The following SESTD1 variants were observed in gnomAD, a reference collection of about 807,000 sequenced individuals.
SESTD1 encodes SEC14 domain and spectrin repeat-containing protein 1.
Under a neutral mutation model 101.7 loss-of-function variants are expected in SESTD1, and 43 were observed. That is an observed-to-expected ratio of 0.42 (90% CI 0.33 to 0.55). The LOEUF is 0.55. Ranked by LOEUF, SESTD1 falls within the 20% of genes least tolerant of loss-of-function variation. The pLI is 0.07. For missense variants in SESTD1, 647 were observed against 815.1 expected (o/e 0.79, Z 2.51); for synonymous variants, 283 against 286.8 (o/e 0.99, Z 0.13).
At chr2:179,167,639 G>A (rs200653316) in intron 5 of SESTD1, among the ~76,000 whole-genome samples, 1 of 148,326 alleles carries the variant, frequency 6.7e-6, no homozygotes, top group South Asian at 2.1e-4. Context: ...CCTGAAGGGG[G>A]AAAAAAAGGC....
chr2:179,150,251 T>C (rs938778858), intron 6 of SESTD1, among the ~76,000 whole-genome samples: 1 of 152,106 alleles, frequency 6.6e-6, no homozygotes, highest in Non-Finnish European at 1.5e-5. Flanking sequence ...CAGAATTAGT[T>C]ATCCATTCAG....
intron 1 of SESTD1, among the ~76,000 whole-genome samples, chr2:179,255,111 C>G (rs138391178): frequency 6.6e-5 from 10 of 152,284 alleles, no homozygotes; most frequent in Non-Finnish European, 1.3e-4. Flanking sequence ...CTTCTCCTGT[C>G]TCTCTCCTTC....
intron 13 of SESTD1, among the ~76,000 whole-genome samples, chr2:179,119,554 G>A (rs888206097): frequency 6.6e-6 from 1 of 152,162 alleles, no homozygotes; most frequent in Non-Finnish European, 1.5e-5. Flanking sequence ...CTTCCACCAC[G>A]ATTCTGTTTC....
chr2:179,193,882 C>A (rs1418636169), intron 1 of SESTD1, among the ~76,000 whole-genome samples: 1 of 152,188 alleles, frequency 6.6e-6, no homozygotes, highest in African/African-American at 2.4e-5. Flanking sequence ...TCCCGGCCAC[C>A]AGGTGGGACC....
chr2:179,245,234 G>A (rs2047211805), intron 1 of SESTD1, among the ~76,000 whole-genome samples: 1 of 151,886 alleles, frequency 6.6e-6, no homozygotes, highest in African/African-American at 2.4e-5. Flanking sequence ...TTAGCCAGAT[G>A]AGCTGGGCAC....
Position 179,116,737 on chromosome 2 carries a change from T to G in SESTD1, c.1578A>C (p.Arg526Ser). 1.2e-6 allele frequency: 2 copies of G among 1,614,140 alleles called. No homozygotes were observed. The highest frequency in any genetic ancestry group is 1.7e-6 in the Non-Finnish European group (2 of 1,180,022). The change falls in exon 15 of 18, where the codon AGA (arginine) becomes AGC (serine). Residue 526 changes from arginine (R) to serine (S), a missense_variant. This residue lies in a region of SESTD1 where 476 missense variants were observed against 562.6 expected (regional missense o/e 0.85). Coordinates refer to ENST00000428443, the MANE Select transcript of SESTD1 (RefSeq NM_178123.5). ...TCGTTTCTTGAGCATCATCGCCCAATCTGATGTGAGTCTTAAGCAGAGCAT... is the reference window on the plus strand; with the variant it reads ...TCGTTTCTTGAGCATCATCGCCCAAGCTGATGTGAGTCTTAAGCAGAGCAT... Reference protein sequence around the residue: ...LLDALLKTHIRLGDDAQETKV... With the variant: ...LLDALLKTHISLGDDAQETKV...
At chr2:179,258,002 G>C (rs1216911667) in intron 1 of SESTD1, among the ~76,000 whole-genome samples, 2 of 152,248 alleles carry the variant, frequency 1.3e-5, no homozygotes, top group East Asian at 3.9e-4. Context: ...GCCCAATGTG[G>C]CAAAATTGAT....
At chr2:179,233,657 T>G (rs576413555) in intron 1 of SESTD1, among the ~76,000 whole-genome samples, 2 of 152,312 alleles carry the variant, frequency 1.3e-5, no homozygotes, top group Middle Eastern at 6.8e-3. Flanking sequence ...TTTCACCATG[T>G]TGGCCAGGCT....
At chr2:179,177,582 T>A (rs1337846815) in intron 3 of SESTD1, among the ~76,000 whole-genome samples, 1 of 152,188 alleles carries the variant, frequency 6.6e-6, no homozygotes, top group Non-Finnish European at 1.5e-5. Flanking sequence ...CATGCCCTGT[T>A]CTACCAAGAA....
intron 1 of SESTD1, among the ~76,000 whole-genome samples, chr2:179,262,538 G>C (rs1295626296): frequency 1.3e-5 from 2 of 152,062 alleles, no homozygotes; most frequent in African/African-American, 4.8e-5. Context: ...GCTTGTAACA[G>C]CTTTAAAAGA....
At chr2:179,195,285 G>A (rs540009855) in intron 1 of SESTD1, among the ~76,000 whole-genome samples, 2 of 152,336 alleles carry the variant, frequency 1.3e-5, no homozygotes, top group Admixed American at 6.5e-5. Flanking sequence ...TCTTGTGATA[G>A]TGAGTTCTCA....
intron 9 of SESTD1, among the ~76,000 whole-genome samples, chr2:179,134,595 T>C (rs531485894): frequency 6.6e-6 from 1 of 152,316 alleles, no homozygotes; most frequent in African/African-American, 2.4e-5. Flanking sequence ...ATAGCAGTTA[T>C]ATATAATGTT....
intron 4 of SESTD1, chr2:179,174,555 AAG>A (rs1262654135): frequency 2.4e-6 from 1 of 412,192 alleles, no homozygotes; most frequent in Non-Finnish European, 4.9e-6. Flanking sequence ...TTTCACAGAG[AAG>A]AGTTAATTCT....
At chr2:179,125,735 G>A (rs1437326029) in intron 10 of SESTD1, among the ~76,000 whole-genome samples, 1 of 152,108 alleles carries the variant, frequency 6.6e-6, no homozygotes, top group Non-Finnish European at 1.5e-5. Context: ...TCATTCTCAT[G>A]ATCATTTATG....
In SESTD1 at chr2:179,166,230, T is replaced by C. The variant is rs75372935; in HGVS notation, c.369+5890A>G. Among the ~76,000 whole-genome samples, 1,316 of 152,204 alleles carry C rather than the reference T, an allele frequency of 8.6e-3. 10 individuals are homozygous for C. Among genetic ancestry groups the C allele is most frequent in the African/African-American group, 0.029 (1,222 of 41,528 alleles). On this transcript the variant is annotated intron_variant, in intron 5 of 17. Transcript: ENST00000428443. ...AGAGGAAAGATCTCTGCAGGAGTCA[T>C]GAGAAAGACTGGAAATAAGAGGAAT...
At chr2:179,202,924 C>A (rs1482383754) in intron 1 of SESTD1, among the ~76,000 whole-genome samples, 1 of 134,568 alleles carries the variant, frequency 7.4e-6, no homozygotes, top group Non-Finnish European at 1.6e-5. Context: ...AAACCAACAA[C>A]CATAGGTAGG....
chr2:179,164,058 C>A (rs6728401), intron 5 of SESTD1, among the ~76,000 whole-genome samples: 12,955 of 152,132 alleles, frequency 0.085, 1,824 homozygotes, highest in African/African-American at 0.3. Context: ...GAATGAAAAT[C>A]TGCCTTTGTA....
In SESTD1 at chr2:179,146,537, A is replaced by T. The variant is rs1016072494; in HGVS notation, c.582-80T>A. 2.5e-6 allele frequency: 3 copies of T among 1,201,348 alleles called. No homozygotes were observed. The African/African-American group carries it at 4.6e-5, about 18-fold the overall frequency. The allele number at this position is 1,201,348 out of a possible 1,614,324, so 74.4% of individuals were successfully genotyped here. A position where few individuals can be genotyped will look rare whatever the true frequency, so the allele number is the denominator to read the frequency against. On this transcript the variant is annotated intron_variant, in intron 7 of 17. Coordinates refer to ENST00000428443, the MANE Select transcript of SESTD1 (RefSeq NM_178123.5). ...TTAAAAATTCCTTTACATATAAAAA[A>T]ACAGAACAGGGGCACAAAAGTATGA...
chr2:179,201,832 G>T lies in SESTD1; in HGVS notation c.-25-9966C>A. Among the ~76,000 whole-genome samples the T allele has an allele frequency of 1.5e-5, 2 of 130,012 alleles. 1 individual carries two copies. The highest frequency in any genetic ancestry group is 3.3e-5 in the Non-Finnish European group (2 of 61,488). The allele number at this position is 130,012 out of a possible 152,430, so 85.3% of individuals were successfully genotyped here. A position where few individuals can be genotyped will look rare whatever the true frequency, so the allele number is the denominator to read the frequency against. The stretch of plus-strand genomic sequence containing the variant: ...CAACATACCTAATGCTAGATGATGA[G>T]TTAGTGGGTGCAGCGCACCAGCATG... On this transcript the variant is annotated intron_variant, in intron 1 of 17. Transcript: ENST00000428443.
Sources: allele counts gnomAD v4.1 joint callset (sites outside exome capture counted in the v4.1 genomes callset), GRCh38; gene constraint gnomAD v4.1.1; regional missense constraint gnomAD v4.1.1; transcripts MANE v1.5; gene names NCBI Gene and HGNC (gene_info 2026-07-23, HGNC 2026-07-21).